The following P4HA1 variants were observed in gnomAD, a reference collection of about 807,000 sequenced individuals.
The protein encoded by P4HA1 is prolyl 4-hydroxylase subunit alpha 1, also known as prolyl 4-hydroxylase subunit alpha-1.
A neutral mutation model predicts 72.8 loss-of-function variants in P4HA1; 24 were observed. The observed-to-expected ratio is 0.33, with a 90% CI of 0.24 to 0.46. P4HA1 has a LOEUF of 0.46. Among genes scored for constraint, P4HA1 ranks in the 20% least tolerant of loss-of-function variants. P4HA1 has a pLI of 1.00. For synonymous variants in P4HA1, 201 were observed against 218.8 expected, an observed-to-expected ratio of 0.92 and a Z score of 0.72; for missense variants, 446 against 640.6, an observed-to-expected ratio of 0.70 and a Z score of 3.28.
At chr10:73,087,393 T>C (rs1187782669) in intron 1 of P4HA1, among the ~76,000 whole-genome samples, 1 of 151,468 alleles carries the variant, frequency 6.6e-6, no homozygotes, top group South Asian at 2.1e-4. Flanking sequence ...CTCAGCCTCC[T>C]AGGTAGCTGG....
intron 9 of P4HA1, among the ~76,000 whole-genome samples, chr10:73,037,544 TA>T (rs2133073747): frequency 1.2e-4 from 3 of 24,568 alleles, no homozygotes; most frequent in East Asian, 1.4e-3. Flanking sequence ...TATATATATA[TA>T]TATATATATA....
At chr10:73,035,237 GAAAA>G (rs1172378640) in intron 9 of P4HA1, among the ~76,000 whole-genome samples, 34 of 138,520 alleles carry the variant, frequency 2.5e-4, no homozygotes, top group African/African-American at 7.9e-4. Context: ...ACTGCTTTTA[GAAAA>G]AAAAAAAAAA....
chr10:73,091,999 C>G (rs1842040937), intron 1 of P4HA1, among the ~76,000 whole-genome samples: 1 of 152,136 alleles, frequency 6.6e-6, no homozygotes, highest in South Asian at 2.1e-4. Context: ...CCTCCCAAGG[C>G]TATTCTGTCA....
chr10:73,050,511 C>A (rs1277090715), intron 7 of P4HA1, among the ~76,000 whole-genome samples: 1 of 151,770 alleles, frequency 6.6e-6, no homozygotes, highest in Admixed American at 6.6e-5. Flanking sequence ...ACCAGCCTGG[C>A]CAACATGGTG....
intron 9 of P4HA1, among the ~76,000 whole-genome samples, chr10:73,038,772 G>A (rs1190266824): frequency 1.5e-5 from 2 of 135,492 alleles, no homozygotes; most frequent in Non-Finnish European, 3.0e-5. Flanking sequence ...GACTACAGGC[G>A]CCCGCCACTA....
chr10:73,054,631 T>G lies in P4HA1; in HGVS notation c.464-1041A>C, dbSNP rs77889607. ...GTATATACATATGAATGGAACTGAC[T>G]GGTCCTATAGCAACTCTACGCTTAA... On this transcript the variant is annotated intron_variant, in intron 5 of 14. Transcript: ENST00000394890. 9.9e-3 allele frequency among the ~76,000 whole-genome samples: 1,513 copies of G among 152,372 alleles called. 18 individuals are homozygous for G. Among genetic ancestry groups the G allele is most frequent in the South Asian group, 0.03 (147 of 4,834 alleles).
In P4HA1 at chr10:73,008,134, A is replaced by C. The variant is rs1229606964; in HGVS notation, c.*88T>G. 2.6e-6 allele frequency: 2 copies of C among 777,194 alleles called. No individual in the cohort carries two copies. The highest frequency in any genetic ancestry group is 2.2e-6 in the Non-Finnish European group (1 of 447,074). 48.1% of individuals were successfully genotyped at this position (777,194 alleles called of 1,614,324 possible). ...TGAATCAATCATGGAGTGTTAGTCAATTGTAAACTCCTGAAAGTTAAGACT... is the reference window on the plus strand; with the variant it reads ...TGAATCAATCATGGAGTGTTAGTCACTTGTAAACTCCTGAAAGTTAAGACT... On this transcript the variant is annotated 3_prime_UTR_variant, in exon 15 of 15. Coordinates refer to ENST00000394890, the MANE Select transcript of P4HA1 (RefSeq NM_001017962.3).
intron 9 of P4HA1, among the ~76,000 whole-genome samples, chr10:73,037,551 ATATATATATATATATATATATTTTTT>A (rs1302145514): frequency 1.6e-4 from 5 of 30,596 alleles, no homozygotes; most frequent in African/African-American, 6.6e-4. Context: ...ATATATATAT[ATATATATATATATATATATATTTTTT>A]TTTTTTTTTT....
rs532552993 is a variant in P4HA1, at chr10:73,013,446, C to A, written c.1368+778G>T. On this transcript the variant is annotated intron_variant, in intron 12 of 14. Coordinates refer to ENST00000394890, the MANE Select transcript of P4HA1 (RefSeq NM_001017962.3). ...GACTTTAGGCATTCTGGCTGACAGC[C>A]AGCCTCAACCTTAGCCTTCAAGATA... Among the ~76,000 whole-genome samples, 4 of 152,326 alleles carry A rather than the reference C, an allele frequency of 2.6e-5. No homozygotes were observed. The South Asian group carries it at 8.3e-4, about 32-fold the overall frequency.
Position 73,016,355 on chromosome 10 carries a change from TAACCTCTCTCCC to T in P4HA1, c.1302+479_1302+490del, listed in dbSNP as rs1228061239. On this transcript the variant is annotated intron_variant, in intron 11 of 14. Coordinates refer to ENST00000394890, the MANE Select transcript of P4HA1 (RefSeq NM_001017962.3). Reference sequence around the variant, plus strand: ...TCCTTGTTGTATTTGGAATTGGGCTTAACCTCTCTCCCTTACTGCAAAATCCCACTGCATTTG... The same window carrying T: ...TCCTTGTTGTATTTGGAATTGGGCTTTTACTGCAAAATCCCACTGCATTTG... Among the ~76,000 whole-genome samples, 3 of 152,336 alleles carry T rather than the reference TAACCTCTCTCCC, an allele frequency of 2.0e-5. No homozygotes were observed. The East Asian group carries it at 5.8e-4, about 29-fold the overall frequency.
chr10:73,046,002 C>T (rs1435325482), intron 8 of P4HA1, among the ~76,000 whole-genome samples: 1 of 152,022 alleles, frequency 6.6e-6, no homozygotes, highest in African/African-American at 2.4e-5. Flanking sequence ...ACTATGGCCA[C>T]AGACCAAATT....
At chr10:73,035,238 A>G (rs930601358) in intron 9 of P4HA1, among the ~76,000 whole-genome samples, 7 of 144,926 alleles carry the variant, frequency 4.8e-5, no homozygotes, top group African/African-American at 7.5e-5. Flanking sequence ...CTGCTTTTAG[A>G]AAAAAAAAAA....
chr10:73,014,790 C>CA (rs1839978979), intron 11 of P4HA1, among the ~76,000 whole-genome samples: 1 of 151,914 alleles, frequency 6.6e-6, no homozygotes, highest in Admixed American at 6.6e-5. Context: ...ACTTTGAACT[C>CA]ACGACCTACT....
chr10:73,013,508 G>T (rs770932975), intron 12 of P4HA1, among the ~76,000 whole-genome samples: 1 of 152,182 alleles, frequency 6.6e-6, no homozygotes, highest in African/African-American at 2.4e-5. Context: ...ATACATGTCA[G>T]ATTTGGAGCA....
At chr10:73,086,895 C>G (rs545563071) in intron 1 of P4HA1, among the ~76,000 whole-genome samples, 33 of 133,914 alleles carry the variant, frequency 2.5e-4, no homozygotes, top group African/African-American at 9.6e-4. Context: ...GATTGTGTCA[C>G]TGCACTCCAG....
intron 9 of P4HA1, among the ~76,000 whole-genome samples, chr10:73,034,226 A>G (rs1222138347): frequency 6.6e-6 from 1 of 152,126 alleles, no homozygotes; most frequent in Admixed American, 6.5e-5. Flanking sequence ...AAAAAATAAA[A>G]ATTTGTGGTA....
intron 1 of P4HA1, among the ~76,000 whole-genome samples, chr10:73,088,494 T>C (rs910237810): frequency 6.6e-6 from 1 of 152,226 alleles, no homozygotes; most frequent in Non-Finnish European, 1.5e-5. Flanking sequence ...TTCCACCTTC[T>C]GGTCAATAAA....
chr10:73,032,195 C>T (rs1840447853), intron 9 of P4HA1, among the ~76,000 whole-genome samples: 1 of 152,138 alleles, frequency 6.6e-6, no homozygotes, highest in South Asian at 2.1e-4. Context: ...AAATAAACGC[C>T]TTTACAATTA....
chr10:73,042,773 T>A (rs1345421498), intron 9 of P4HA1, among the ~76,000 whole-genome samples: 1 of 152,094 alleles, frequency 6.6e-6, no homozygotes, highest in Non-Finnish European at 1.5e-5. Context: ...TTTGACAATG[T>A]CTGGAGACAT....
Sources: allele counts gnomAD v4.1 joint callset (sites outside exome capture counted in the v4.1 genomes callset), GRCh38; gene constraint gnomAD v4.1.1; transcripts MANE v1.5; gene names NCBI Gene and HGNC (gene_info 2026-07-23, HGNC 2026-07-21).